ZNF420: variants seen among roughly 807,000 people sequenced by gnomAD.
ZNF420 encodes the protein ATM and p53-associated KZNF protein.
In ZNF420, 31 loss-of-function variants were observed where a neutral mutation model predicts 44.7. The observed-to-expected ratio is 0.69, with a 90% CI of 0.52 to 0.94. The LOEUF (loss-of-function observed/expected upper bound fraction) is 0.94. ZNF420 is among the 40% of genes least tolerant of loss of function. The probability of loss-of-function intolerance (pLI) is 0.00; values close to 1 mark genes in which losing one functional copy is unlikely to be tolerated. For missense variants in ZNF420, 681 were observed against 827.9 expected (o/e 0.82, Z 2.18); for synonymous variants, 245 against 267.4 (o/e 0.92, Z 0.82).
chr19:37,037,861 C>T (rs769157855), intron 1 of ZNF420, among the ~76,000 whole-genome samples: 2 of 152,158 alleles, frequency 1.3e-5, no homozygotes, highest in Non-Finnish European at 2.9e-5. Context: ...TTGCGATATT[C>T]GCCTTGTTGT....
At chr19:37,058,414 C>T (rs541599822) in intron 1 of ZNF420, among the ~76,000 whole-genome samples, 1 of 152,232 alleles carries the variant, frequency 6.6e-6, no homozygotes, top group East Asian at 1.9e-4. Context: ...TGAGAGACAT[C>T]CTCCCCTCTG....
chr19:37,072,148 A>G (rs897479379), intron 1 of ZNF420, among the ~76,000 whole-genome samples: 3 of 152,146 alleles, frequency 2.0e-5, no homozygotes, highest in African/African-American at 7.2e-5. Context: ...AGACTCTTTC[A>G]TTTCTTTTTT....
At chr19:37,099,046 G>A (rs1208776185) in intron 4 of ZNF420, among the ~76,000 whole-genome samples, 6 of 152,082 alleles carry the variant, frequency 3.9e-5, no homozygotes, top group African/African-American at 9.7e-5. Context: ...ATTCTATTCT[G>A]CATATATACC....
At chr19:37,010,378 G>A (rs1006233269) in intron 1 of ZNF420, among the ~76,000 whole-genome samples, 1 of 152,084 alleles carries the variant, frequency 6.6e-6, no homozygotes, top group Non-Finnish European at 1.5e-5. Flanking sequence ...CCGTGATCTC[G>A]ACGACATGTC....
At chr19:37,097,252 AT>A (rs1021689789) in intron 4 of ZNF420, among the ~76,000 whole-genome samples, 28 of 152,068 alleles carry the variant, frequency 1.8e-4, no homozygotes, top group African/African-American at 6.8e-4. Context: ...ATGAATAGGA[AT>A]ATTTTGTTCT....
In ZNF420 at chr19:37,130,019, C is replaced by G. The variant is rs972659836; in HGVS notation, c.*961C>G. On this transcript the variant is annotated 3_prime_UTR_variant, in exon 5 of 5. Coordinates refer to ENST00000337995, the MANE Select transcript of ZNF420 (RefSeq NM_144689.5). ...TTTTCTCTTTTTTAGTAACAAATTT[C>G]TGGGCTGAAAATCTCAGCCTTCCTT... The G allele has an allele frequency of 2.0e-6, 3 of 1,526,324 alleles. No homozygotes were observed. The highest frequency in any genetic ancestry group is 2.6e-6 in the Non-Finnish European group (3 of 1,134,932). 94.5% of individuals were successfully genotyped at this position (1,526,324 alleles called of 1,614,324 possible).
At position 37,127,421 on chromosome 19, in the gene ZNF420, T is replaced by C. The variant is rs747373326; in HGVS notation, c.430T>C (p.Cys144Arg). ...STEKPYKCKE[C>R]GKAFRRASHL... is the part of the protein sequence containing the mutation. Reference sequence around the variant, plus strand: ...TGAGAAACCCTATAAATGTAAGGAATGTGGGAAAGCCTTCAGACGAGCCTC... The same window carrying C: ...TGAGAAACCCTATAAATGTAAGGAACGTGGGAAAGCCTTCAGACGAGCCTC... Residue 144 changes from cysteine to arginine, a missense_variant, in exon 5 of 5, where the codon TGT (cysteine) becomes CGT (arginine). By Grantham distance (180) the Cys-to-Arg change is radical (BLOSUM62 -3). Around this residue, in one of 3 missense-constraint regions of ZNF420, gnomAD observed 350 missense variants for 382.5 expected, o/e 0.92. Coordinates refer to ENST00000337995, the MANE Select transcript of ZNF420 (RefSeq NM_144689.5). 1 of 1,614,116 alleles carries C rather than the reference T, an allele frequency of 6.2e-7. No homozygotes were observed. The highest frequency in any genetic ancestry group is 1.7e-5 in the Admixed American group (1 of 60,016).
At chr19:37,104,905 G>A (rs1051870869) in intron 4 of ZNF420, among the ~76,000 whole-genome samples, 9 of 152,302 alleles carry the variant, frequency 5.9e-5, no homozygotes, top group African/African-American at 2.2e-4. Flanking sequence ...TTAGCCCTTT[G>A]TCAGATGGGT....
chr19:37,053,872 T>G (rs1485484325), intron 1 of ZNF420, among the ~76,000 whole-genome samples: 1 of 152,160 alleles, frequency 6.6e-6, no homozygotes, highest in Non-Finnish European at 1.5e-5. Flanking sequence ...GGAGAACCAC[T>G]ACTCTCTTCA....
At chr19:37,047,125 A>G (rs554329652) in intron 1 of ZNF420, among the ~76,000 whole-genome samples, 2 of 152,378 alleles carry the variant, frequency 1.3e-5, no homozygotes, top group South Asian at 2.1e-4. Context: ...AATTTTGTGC[A>G]CTTTAAGCCA....
chr19:37,095,703 A>G (rs986388249), intron 4 of ZNF420, among the ~76,000 whole-genome samples: 1 of 151,882 alleles, frequency 6.6e-6, no homozygotes, highest in Non-Finnish European at 1.5e-5. Flanking sequence ...GGTTCAAGCG[A>G]TTCTCCTACT....
intron 1 of ZNF420, among the ~76,000 whole-genome samples, chr19:37,014,028 A>G (rs1397775371): frequency 6.6e-6 from 1 of 152,166 alleles, no homozygotes; most frequent in African/African-American, 2.4e-5. Flanking sequence ...AGCAAATCAC[A>G]CCTGGGAACC....
chr19:37,023,761 G>C (rs2074666127), intron 1 of ZNF420, among the ~76,000 whole-genome samples: 1 of 152,090 alleles, frequency 6.6e-6, no homozygotes, highest in South Asian at 2.1e-4. Flanking sequence ...ACACATTACT[G>C]ACATTTTGAA....
chr19:37,010,415 T>C (rs557283084), intron 1 of ZNF420, among the ~76,000 whole-genome samples: 8 of 152,210 alleles, frequency 5.3e-5, no homozygotes, highest in Admixed American at 2.0e-4. Context: ...GGCTGCTCTC[T>C]CACTTGAGAA....
chr19:37,122,291 T>C (rs2145310115), intron 4 of ZNF420, among the ~76,000 whole-genome samples: 1 of 152,232 alleles, frequency 6.6e-6, no homozygotes, highest in East Asian at 1.9e-4. Flanking sequence ...CCATAAAAAA[T>C]GATGAGTTCA....
At chr19:37,031,501 A>G (rs1568424279) in intron 1 of ZNF420, among the ~76,000 whole-genome samples, 1 of 151,152 alleles carries the variant, frequency 6.6e-6, no homozygotes, top group East Asian at 2.0e-4. Context: ...TTTATTATGC[A>G]TTTTCTTTTC....
intron 1 of ZNF420, among the ~76,000 whole-genome samples, chr19:37,068,171 G>T (rs1422098052): frequency 6.6e-6 from 1 of 152,064 alleles, no homozygotes; most frequent in African/African-American, 2.4e-5. Flanking sequence ...GATAACTTAA[G>T]TATGTCCTGT....
At chr19:37,025,255 T>A in intron 1 of ZNF420, 1 of 292,834 alleles carries the variant, frequency 3.4e-6, no homozygotes, top group Non-Finnish European at 6.5e-6. Context: ...TCATTGAACA[T>A]GTATATGAGG....
chr19:37,103,621 T>A (rs879934575), intron 4 of ZNF420, among the ~76,000 whole-genome samples: 1 of 152,210 alleles, frequency 6.6e-6, no homozygotes, highest in Non-Finnish European at 1.5e-5. Flanking sequence ...CCTACCTTCA[T>A]CTATACTAAT....
Sources: gnomAD v4.1 joint callset for allele counts (sites outside exome capture counted in the v4.1 genomes callset) on GRCh38, gnomAD v4.1.1 for gene constraint, gnomAD v4.1.1 regional missense constraint, MANE v1.5 for transcripts, NCBI Gene and HGNC (gene_info 2026-07-23, HGNC 2026-07-21) for gene names.